Variants in ARHGAP45 observed in about 807,000 individuals in gnomAD.
ARHGAP45 encodes rho GTPase-activating protein 45.
In ARHGAP45, 56 loss-of-function variants were observed where a neutral mutation model predicts 116.1. The ratio of observed to expected loss-of-function variants is 0.48; its 90% CI spans 0.39 to 0.60. The LOEUF (loss-of-function observed/expected upper bound fraction) is 0.60. ARHGAP45 is among the 20% of genes least tolerant of loss of function. The pLI is 0.00. For synonymous variants in ARHGAP45, 866 were observed against 701.7 expected, an observed-to-expected ratio of 1.23 and a Z score of -3.70; for missense variants, 1,622 against 1,601.0, an observed-to-expected ratio of 1.01 and a Z score of -0.22.
rs1415957776 is a variant in ARHGAP45, at chr19:1,080,054, C to T, written c.1639C>T (p.Leu547=). The T allele has an allele frequency of 6.2e-7, 1 of 1,612,688 alleles. No homozygotes were observed. The highest frequency in any genetic ancestry group is 8.5e-7 in the Non-Finnish European group (1 of 1,179,938). The change falls in exon 13 of 23, where the codon CTG becomes TTG. Residue 547 remains leucine, a synonymous_variant. Coordinates refer to ENST00000313093, the MANE Select transcript of ARHGAP45 (RefSeq NM_012292.5). ...GQQYASHVRQ[L]QRDQEPDVHY... is the part of the protein sequence containing the mutation. ...GCAGTACGCCTCCCACGTGCGCCAGCTGCAGCGGGACCAGGAGCCCGATGT... is the reference window on the plus strand; with the variant it reads ...GCAGTACGCCTCCCACGTGCGCCAGTTGCAGCGGGACCAGGAGCCCGATGT...
At chr19:1,079,335 C>G (rs899746176) in intron 11 of ARHGAP45, among the ~76,000 whole-genome samples, 1 of 151,332 alleles carries the variant, frequency 6.6e-6, no homozygotes, top group Non-Finnish European at 1.5e-5. Context: ...ACCCCTGTAT[C>G]TCTACTAAAA....
chr19:1,073,863 G>A, intron 5 of ARHGAP45, 85 bp from the exon 6 acceptor site: 1 of 1,531,712 alleles, frequency 6.5e-7, no homozygotes, highest in Non-Finnish European at 8.8e-7. Context: ...TCCCTCTCTG[G>A]GGGAGGCAGC....
chr19:1,071,615 G>T lies in ARHGAP45; in HGVS notation c.422-1534G>T. 6.4e-6 allele frequency: 1 copy of T among 157,118 alleles called. No individual in the cohort carries two copies. 9.7% of individuals were successfully genotyped at this position (157,118 alleles called of 1,614,324 possible). A position where few individuals can be genotyped will look rare whatever the true frequency, so the allele number is the denominator to read the frequency against. ...GCCCGGCTGGAAGGTCCCGAGAAGGGGCGTGGCCGGGGCCTCCCAGCGGCT... is the reference window on the plus strand; with the variant it reads ...GCCCGGCTGGAAGGTCCCGAGAAGGTGCGTGGCCGGGGCCTCCCAGCGGCT... On this transcript the variant is annotated intron_variant, in intron 2 of 22. Transcript: ENST00000313093. The surrounding 1 kb of genome is among the most constrained non-coding windows in gnomAD (Gnocchi z 4.6).
rs2043299372 is a variant in ARHGAP45, at chr19:1,077,854, C to T, written c.1186-3C>T. On this transcript the variant is annotated splice_polypyrimidine_tract_variant and splice_region_variant and intron_variant, in intron 10 of 22. Transcript: ENST00000313093. ...ACTGGCCTCCTGGCTCCCACACCCA[C>T]AGCAAGAGGCGGAGTCCAACCTGCG... is the stretch of plus-strand genomic sequence containing the variant. 6.4e-7 allele frequency: 1 copy of T among 1,552,580 alleles called. No individual in the cohort carries two copies. Among genetic ancestry groups the T allele is most frequent in the Non-Finnish European group, 8.7e-7 (1 of 1,147,814 alleles).
At chr19:1,081,319 G>A in intron 17 of ARHGAP45, 2 of 640,092 alleles carry the variant, frequency 3.1e-6, no homozygotes, top group Non-Finnish European at 5.2e-6. Flanking sequence ...AGACCTGGAG[G>A]GCAAAGGCCC....
chr19:1,066,429 G>T (rs2043032670), upstream of ARHGAP45: 2 of 520,862 alleles, frequency 3.8e-6, no homozygotes, highest in East Asian at 6.7e-5. Context: ...CTGGAATGCA[G>T]CTTGGGAGGC....
chr19:1,079,578 A>C, intron 11 of ARHGAP45, 125 bp from the exon 12 acceptor site: 1 of 1,191,560 alleles, frequency 8.4e-7, no homozygotes, highest in Admixed American at 2.3e-5. Context: ...GCCTCAAGCA[A>C]GTCTCCCACT....
In ARHGAP45 at chr19:1,069,531, C is replaced by A. The variant is rs1485498237; in HGVS notation, c.421+787C>A. 7.3e-5 allele frequency among the ~76,000 whole-genome samples: 11 copies of A among 151,480 alleles called. No homozygotes were observed. The East Asian group carries it at 2.1e-3, about 29-fold the overall frequency. On this transcript the variant is annotated intron_variant, in intron 2 of 22. Transcript: ENST00000313093. This position sits in a 1 kb window ranked among gnomAD's most constrained non-coding sequence, Gnocchi z 4.1. ...CTAAGTCTCTAGTGAGGCCCTGACC[C>A]CTGGCTCACCCAGCCAGGGCAGGGC...
rs904365934 is a variant in ARHGAP45, at chr19:1,073,779, A to G, written c.723+33A>G. The G allele has an allele frequency of 2.6e-6, 4 of 1,560,412 alleles. No individual in the cohort carries two copies. In the African/African-American group the frequency reaches 5.4e-5, roughly 21 times the overall value. Reference sequence around the variant, plus strand: ...GGGTGGGCCAGGGCCACCTGTGTCCAGCTTCTGGAGGCCAGCCGGGTTCAG... The same window carrying G: ...GGGTGGGCCAGGGCCACCTGTGTCCGGCTTCTGGAGGCCAGCCGGGTTCAG... On this transcript the variant is annotated intron_variant, in intron 5 of 22. Transcript: ENST00000313093.
chr19:1,075,032 C>CCG (rs1555706877), intron 10 of ARHGAP45, among the ~76,000 whole-genome samples, 153 bp downstream of exon 10: 4 of 132,970 alleles, frequency 3.0e-5, no homozygotes, highest in Admixed American at 2.3e-4. Flanking sequence ...GGGCCGCCCC[C>CCG]CCCAACGCCA....
At chr19:1,077,780 G>A in intron 10 of ARHGAP45, 77 bp from the exon 11 acceptor site, 6 of 1,546,292 alleles carry the variant, frequency 3.9e-6, no homozygotes, top group Non-Finnish European at 5.2e-6. Flanking sequence ...GGGGTGGGGA[G>A]GAAAGGAGGA....
At position 1,071,097 on chromosome 19, in the gene ARHGAP45, C is replaced by G; in HGVS notation, c.422-2052C>G. ...GGGCCTCAGTTTCCCTGCCCGTCCTCGACCCTCCCCACCTCGAAGCTCTGC... is the reference window on the plus strand; with the variant it reads ...GGGCCTCAGTTTCCCTGCCCGTCCTGGACCCTCCCCACCTCGAAGCTCTGC... On this transcript the variant is annotated intron_variant, in intron 2 of 22. Coordinates refer to ENST00000313093, the MANE Select transcript of ARHGAP45 (RefSeq NM_012292.5). This position sits in a 1 kb window ranked among gnomAD's most constrained non-coding sequence, Gnocchi z 4.6. The G allele has an allele frequency of 9.8e-7, 1 of 1,024,922 alleles. No homozygotes were observed. Among genetic ancestry groups the G allele is most frequent in the Non-Finnish European group, 1.3e-6 (1 of 780,634 alleles). 63.5% of individuals were successfully genotyped at this position (1,024,922 alleles called of 1,614,324 possible).
At chr19:1,081,987 C>T (rs368363752) in intron 19 of ARHGAP45, 26 bp downstream of exon 19, 2 of 1,601,532 alleles carry the variant, frequency 1.2e-6, no homozygotes, top group Non-Finnish European at 1.7e-6. Flanking sequence ...GGTGGCCAGG[C>T]AGAGCCTGGA....
chr19:1,067,272 C>A lies in ARHGAP45; in HGVS notation c.-134C>A. On this transcript the variant is annotated 5_prime_UTR_variant, in exon 1 of 23. Transcript: ENST00000313093. The stretch of plus-strand genomic sequence containing the variant: ...GGGGGGAGGGCCCGCCAGTGACGGC[C>A]GGGCCTGTCACGTGGGCCTGACAGC... The A allele has an allele frequency of 7.2e-7, 1 of 1,398,312 alleles. No individual in the cohort carries two copies. The highest frequency in any genetic ancestry group is 1.6e-5 in the South Asian group (1 of 61,016). The allele number at this position is 1,398,312 out of a possible 1,614,324, so 86.6% of individuals were successfully genotyped here. A position where few individuals can be genotyped will look rare whatever the true frequency, so the allele number is the denominator to read the frequency against.
At chr19:1,070,405 A>C (rs2043118978) in intron 2 of ARHGAP45, among the ~76,000 whole-genome samples, 1 of 129,200 alleles carries the variant, frequency 7.7e-6, no homozygotes, top group African/African-American at 3.1e-5. Flanking sequence ...ATCTCAGCTC[A>C]CTGCAACCTC....
In ARHGAP45 at chr19:1,074,667, G is replaced by A; in HGVS notation, c.1047G>A (p.Glu349=). 1 of 1,611,142 alleles carries A rather than the reference G, an allele frequency of 6.2e-7. No homozygotes were observed. The highest frequency in any genetic ancestry group is 1.7e-5 in the Admixed American group (1 of 59,868). Residue 349 remains glutamate, a synonymous_variant, in exon 9 of 23, where the codon GAG becomes GAA. Coordinates refer to ENST00000313093, the MANE Select transcript of ARHGAP45 (RefSeq NM_012292.5). The stretch of plus-strand genomic sequence containing the variant: ...CGCTGGCCCTGGAGCAGGACCTGGA[G>A]TTCGGCCACAGCATGGTGCAGGCGG... The part of the protein sequence containing the change: ...IYSLALEQDL[E]FGHSMVQAVG...
chr19:1,066,165 T>C, upstream of ARHGAP45: 3 of 1,533,338 alleles, frequency 2.0e-6, no homozygotes, highest in Non-Finnish European at 2.6e-6. Flanking sequence ...CCACCCGAGG[T>C]AGGTGGGAAT....
At chr19:1,081,497 T>G in intron 17 of ARHGAP45, 53 bp from the exon 18 acceptor site, 1 of 1,425,682 alleles carries the variant, frequency 7.0e-7, no homozygotes. Context: ...CGCTGGGGGC[T>G]GCGCTGAGCT....
upstream of ARHGAP45, chr19:1,066,254 GA>G: frequency 1.0e-6 from 1 of 1,000,678 alleles, no homozygotes; most frequent in South Asian, 1.6e-5. Context: ...GAGACTTGGG[GA>G]GGGGGGAGAG....
Sources: gnomAD v4.1 joint callset for allele counts (sites outside exome capture counted in the v4.1 genomes callset) on GRCh38, gnomAD v4.1.1 for gene constraint, Gnocchi (gnomAD v3.1) non-coding constraint, MANE v1.5 for transcripts, NCBI Gene and HGNC (gene_info 2026-07-23, HGNC 2026-07-21) for gene names.